The following DIP2C variants were observed in gnomAD, a reference collection of about 807,000 sequenced individuals.
DIP2C encodes disco-interacting protein 2 homolog C.
In DIP2C, 33 loss-of-function variants were observed where a neutral mutation model predicts 192.4. That is an observed-to-expected ratio of 0.17 (90% CI 0.13 to 0.23). DIP2C has a LOEUF of 0.23. DIP2C is among the 10% of genes least tolerant of loss of function. The pLI is 1.00. For synonymous variants in DIP2C, 979 were observed against 864.1 expected (o/e 1.13, Z -2.33); for missense variants, 1,537 against 2,110.1 (o/e 0.73, Z 5.32).
intron 1 of DIP2C, among the ~76,000 whole-genome samples, chr10:648,873 A>G (rs1181096575): frequency 1.3e-5 from 2 of 149,788 alleles, no homozygotes; most frequent in Non-Finnish European, 3.0e-5. Context: ...GTCCACGTCA[A>G]CATTTGAGGG....
chr10:380,829 C>A (rs1436115086), intron 17 of DIP2C, among the ~76,000 whole-genome samples: 1 of 152,172 alleles, frequency 6.6e-6, no homozygotes, highest in Non-Finnish European at 1.5e-5. Context: ...TGGCCTCTGA[C>A]CACTCCTACA....
chr10:624,069 C>T (rs1854044811), intron 1 of DIP2C, among the ~76,000 whole-genome samples: 1 of 152,264 alleles, frequency 6.6e-6, no homozygotes, highest in Admixed American at 6.5e-5. Flanking sequence ...CCGGGACCCG[C>T]CCTGAGCCCC....
intron 1 of DIP2C, among the ~76,000 whole-genome samples, chr10:573,725 C>CT (rs1306405099): frequency 6.6e-6 from 1 of 151,710 alleles, no homozygotes; most frequent in Non-Finnish European, 1.5e-5. Flanking sequence ...TTCCTCTTTT[C>CT]TTTTTAAGTG....
At position 307,579 on chromosome 10, in the gene DIP2C, G is replaced by C. The variant is rs556475558; in HGVS notation, c.3986+2452C>G. Among the ~76,000 whole-genome samples, 589 of 152,276 alleles carry C rather than the reference G, an allele frequency of 3.9e-3. 5 individuals carry two copies. The highest frequency in any genetic ancestry group is 0.013 in the African/African-American group (522 of 41,552). On this transcript the variant is annotated intron_variant, in intron 32 of 36. Transcript: ENST00000280886. ...GAGAGCAAGACTGGGACGCCGCTGA[G>C]ATTCTCTGCAGTGGGGGGGTAAGGG...
intron 3 of DIP2C, among the ~76,000 whole-genome samples, 167 bp downstream of exon 3, chr10:472,272 G>A (rs1401269560): frequency 1.3e-5 from 2 of 152,212 alleles, no homozygotes; most frequent in African/African-American, 4.8e-5. Flanking sequence ...CTATTTACCG[G>A]ACACTGGCGT....
At chr10:570,054 A>G (rs1464779944) in intron 1 of DIP2C, among the ~76,000 whole-genome samples, 3 of 152,184 alleles carry the variant, frequency 2.0e-5, no homozygotes, top group South Asian at 4.1e-4. Context: ...CACAGACTGA[A>G]GTATGCCAAG....
chr10:586,455 C>T (rs1018664868), intron 1 of DIP2C, among the ~76,000 whole-genome samples: 5 of 149,606 alleles, frequency 3.3e-5, no homozygotes, highest in East Asian at 1.9e-4. Context: ...CACTAACCTA[C>T]GTCACGCCAG....
chr10:455,024 A>G (rs537882720), intron 3 of DIP2C, among the ~76,000 whole-genome samples: 3 of 152,312 alleles, frequency 2.0e-5, no homozygotes, highest in Admixed American at 2.0e-4. Context: ...TTACACAGTG[A>G]GCACACACAC....
chr10:552,324 C>A (rs1848633567), intron 1 of DIP2C, among the ~76,000 whole-genome samples: 1 of 152,218 alleles, frequency 6.6e-6, no homozygotes, highest in African/African-American at 2.4e-5. Context: ...TGCAGAGGAA[C>A]AGATCGGTCT....
At chr10:394,712 G>T (rs1235421914) in intron 10 of DIP2C, among the ~76,000 whole-genome samples, 1 of 111,976 alleles carries the variant, frequency 8.9e-6, no homozygotes, top group African/African-American at 3.5e-5. Flanking sequence ...AAGGACGCTA[G>T]GCCACACAGT....
At chr10:585,643 C>T (rs370797878) in intron 1 of DIP2C, among the ~76,000 whole-genome samples, 1 of 152,110 alleles carries the variant, frequency 6.6e-6, no homozygotes. Context: ...CCAGGAACAC[C>T]GGCGTCCTGC....
chr10:306,692 C>T (rs920638795), intron 32 of DIP2C, among the ~76,000 whole-genome samples: 4 of 152,204 alleles, frequency 2.6e-5, no homozygotes, highest in Non-Finnish European at 4.4e-5. Context: ...CTTGGACTGT[C>T]GACTTTCTCA....
Position 349,386 on chromosome 10 carries a change from C to T in DIP2C, c.3054G>A (p.Leu1018=). Residue 1018 remains leucine (L), a synonymous_variant, in exon 25 of 37, where the codon CTG becomes CTA. Transcript: ENST00000280886. The stretch of plus-strand genomic sequence containing the variant: ...CGTCCTGAAGGTGGCCCCTCTCCAT[C>T]AGCATCACGGCGATCTTCTCAGCTC... ...HKRAEKIAVM[L]MERGHLQDGD... 6.2e-7 allele frequency: 1 copy of T among 1,611,514 alleles called. No individual in the cohort carries two copies. The highest frequency in any genetic ancestry group is 8.5e-7 in the Non-Finnish European group (1 of 1,179,832).
intron 32 of DIP2C, among the ~76,000 whole-genome samples, chr10:306,397 T>C (rs2132298590): frequency 6.6e-6 from 1 of 152,258 alleles, no homozygotes; most frequent in East Asian, 1.9e-4. Flanking sequence ...CTGTAGGCCG[T>C]CTTTCTTGTG....
At chr10:314,873 T>A (rs561015598) in intron 31 of DIP2C, among the ~76,000 whole-genome samples, 2 of 152,338 alleles carry the variant, frequency 1.3e-5, no homozygotes, top group African/African-American at 4.8e-5. Context: ...TTAGGGATTA[T>A]AGTTCAACAC....
chr10:291,946 T>C (rs1420054560), intron 32 of DIP2C, among the ~76,000 whole-genome samples: 1 of 152,030 alleles, frequency 6.6e-6, no homozygotes, highest in Non-Finnish European at 1.5e-5. Flanking sequence ...GAGGGAGAAA[T>C]ACAGGCTCAG....
At chr10:624,990 A>T (rs1394028898) in intron 1 of DIP2C, among the ~76,000 whole-genome samples, 1 of 152,150 alleles carries the variant, frequency 6.6e-6, no homozygotes, top group Non-Finnish European at 1.5e-5. Flanking sequence ...CGGCGGCGCA[A>T]CCTTGGCTGC....
chr10:407,742 A>C (rs757791324), intron 9 of DIP2C, among the ~76,000 whole-genome samples: 12 of 152,090 alleles, frequency 7.9e-5, no homozygotes, highest in South Asian at 4.2e-4. Flanking sequence ...ACGTTTACTC[A>C]AGTCTCTGGC....
At chr10:546,929 G>A (rs1564837412) in intron 1 of DIP2C, among the ~76,000 whole-genome samples, 2 of 152,168 alleles carry the variant, frequency 1.3e-5, no homozygotes, top group Admixed American at 6.5e-5. Flanking sequence ...TGAGATGAAA[G>A]AATCAATTTG....
Sources: allele counts gnomAD v4.1 joint callset (sites outside exome capture counted in the v4.1 genomes callset), GRCh38; gene constraint gnomAD v4.1.1; transcripts MANE v1.5; gene names NCBI Gene and HGNC (gene_info 2026-07-23, HGNC 2026-07-21).